The following AGRN variants were observed in gnomAD, a reference collection of about 807,000 sequenced individuals.
AGRN encodes agrin proteoglycan.
A neutral mutation model predicts 211.0 loss-of-function variants in AGRN; 106 were observed. That is an observed-to-expected ratio of 0.50 (90% confidence interval 0.43 to 0.59). The LOEUF is 0.59. Ranked by LOEUF, AGRN falls within the 20% of genes least tolerant of loss-of-function variation. The probability of loss-of-function intolerance (pLI) is 0.00; values close to 1 mark genes in which losing one functional copy is unlikely to be tolerated. For synonymous variants in AGRN, 1,525 were observed against 1,332.5 expected (o/e 1.14, Z -3.15); for missense variants, 3,040 against 2,982.6 (o/e 1.02, Z -0.45).
chr1:1,051,344 C>CT lies in AGRN; in HGVS notation c.5346dup (p.Gly1783TrpfsTer88). The stretch of plus-strand genomic sequence containing the variant: ...CTGGCCCGTGCTGCTGCCGTGTCCT[C>CT]TGGCTTCGACGGTGCCATCCAGCTG... On this transcript the variant is annotated frameshift_variant, in exon 31 of 36. Transcript: ENST00000379370. LOFTEE classifies it high-confidence loss of function. The CT allele has an allele frequency of 1.3e-6, 2 of 1,565,704 alleles. No individual in the cohort carries two copies. The highest frequency in any genetic ancestry group is 1.7e-6 in the Non-Finnish European group (2 of 1,156,266).
chr1:1,053,703 T>G, intron 33 of AGRN, 50 bp from the exon 34 acceptor site: 2 of 966,012 alleles, frequency 2.1e-6, no homozygotes, highest in Non-Finnish European at 3.0e-6. Context: ...TCCCCCACCC[T>G]GTCCTGTTGC....
rs188787026 is a variant in AGRN, at chr1:1,021,213, C to G, written c.201+840C>G. Among the ~76,000 whole-genome samples, 1,019 of 152,358 alleles carry G rather than the reference C, an allele frequency of 6.7e-3. 15 individuals are homozygous for G. The highest frequency in any genetic ancestry group is 0.03 in the South Asian group (143 of 4,832). On this transcript the variant is annotated intron_variant, in intron 1 of 35. Coordinates refer to ENST00000379370, the MANE Select transcript of AGRN (RefSeq NM_198576.4). The stretch of plus-strand genomic sequence containing the variant: ...TGGGCTCCCCCGCCGGCCCAGTCTC[C>G]TCCACAGCGGCCAGGGCACTTTGCC...
chr1:1,026,169 C>T (rs996559849), intron 2 of AGRN, among the ~76,000 whole-genome samples: 3 of 152,160 alleles, frequency 2.0e-5, no homozygotes, highest in Non-Finnish European at 2.9e-5. Context: ...ACAGCCCTGG[C>T]TCCATTGTTC....
intron 2 of AGRN, among the ~76,000 whole-genome samples, chr1:1,030,889 A>G (rs13303042): frequency 6.7e-4 from 24 of 35,974 alleles, no homozygotes; most frequent in African/African-American, 1.4e-3. Context: ...TGAGATCAGC[A>G]TGTGTGTGTG....
rs766955342 is a variant in AGRN at position 1,050,505 on chromosome 1, C to T, written c.5055C>T (p.Asp1685=). The T allele has an allele frequency of 1.2e-5, 19 of 1,612,786 alleles. No individual in the cohort carries two copies. Among genetic ancestry groups the T allele is most frequent in the Admixed American group, 8.3e-5 (5 of 59,990 alleles). Residue 1685 remains aspartate, a synonymous_variant, in exon 29 of 36, where the codon GAC becomes GAT. Coordinates refer to ENST00000379370, the MANE Select transcript of AGRN (RefSeq NM_198576.4). The part of the protein sequence containing the change: ...GLLLYNGQKT[D]GKGDFVSLAL... Reference sequence around the variant, plus strand: ...TGCTCTACAACGGGCAGAAGACGGACGGCAAGGGGGACTTCGTGTCGCTGG... The same window carrying T: ...TGCTCTACAACGGGCAGAAGACGGATGGCAAGGGGGACTTCGTGTCGCTGG...
At position 1,055,620 on chromosome 1, in the gene AGRN, G is replaced by A; in HGVS notation, c.*639G>A. 1 of 170,704 alleles carries A rather than the reference G, an allele frequency of 5.9e-6. No individual in the cohort carries two copies. The highest frequency in any genetic ancestry group is 1.3e-5 in the Non-Finnish European group (1 of 78,726). The allele number at this position is 170,704 out of a possible 1,614,324, so 10.6% of individuals were successfully genotyped here. On this transcript the variant is annotated 3_prime_UTR_variant, in exon 36 of 36. Transcript: ENST00000379370. ...ACCCTGGACGTGACCGTATCCCTCT[G>A]CCACACCCCAGGCCCTGCGAGGGGC...
chr1:1,027,021 G>T (rs116521456), intron 2 of AGRN, among the ~76,000 whole-genome samples: 1 of 152,234 alleles, frequency 6.6e-6, no homozygotes, highest in African/African-American at 2.4e-5. Flanking sequence ...AAGCCCCCCC[G>T]AAGGGGCCTC....
chr1:1,041,462 T>A lies in AGRN; in HGVS notation c.953-16T>A, dbSNP rs1401595925. The A allele has an allele frequency of 6.3e-7, 1 of 1,580,624 alleles. No homozygotes were observed. Among genetic ancestry groups the A allele is most frequent in the Admixed American group, 1.8e-5 (1 of 57,094 alleles). On this transcript the variant is annotated splice_polypyrimidine_tract_variant and intron_variant, in intron 5 of 35. Coordinates refer to ENST00000379370, the MANE Select transcript of AGRN (RefSeq NM_198576.4). ...CGCGCGGCGACAGCGTCCTGACTCCTGCCCTCGACCCCCAGACCCCTGTCA... is the reference window on the plus strand; with the variant it reads ...CGCGCGGCGACAGCGTCCTGACTCCAGCCCTCGACCCCCAGACCCCTGTCA...
intron 1 of AGRN, among the ~76,000 whole-genome samples, 167 bp from the exon 2 acceptor site, chr1:1,022,034 T>C (rs945474216): frequency 1.6e-4 from 24 of 152,242 alleles, no homozygotes; most frequent in Non-Finnish European, 2.6e-4. Context: ...TGGTGGCCAG[T>C]GTGGGCTTCC....
Position 1,043,810 on chromosome 1 carries a change from C to G in AGRN, c.1799-13C>G. On this transcript the variant is annotated splice_polypyrimidine_tract_variant and intron_variant, in intron 9 of 35. Transcript: ENST00000379370. ...TGGGCCTGCCGACCCCTGCCTGGCT[C>G]TGTCTCCTGCAGAGACCTGTGGAGA... 1 of 1,610,126 alleles carries G rather than the reference C, an allele frequency of 6.2e-7. No homozygotes were observed. The highest frequency in any genetic ancestry group is 1.1e-5 in the South Asian group (1 of 91,088).
chr1:1,048,283 G>T lies in AGRN; in HGVS notation c.4023G>T (p.Gly1341=), dbSNP rs2100669384. The T allele has an allele frequency of 6.6e-7, 1 of 1,524,922 alleles. No individual in the cohort carries two copies. Among genetic ancestry groups the T allele is most frequent in the African/African-American group, 1.4e-5 (1 of 73,288 alleles). The allele number at this position is 1,524,922 out of a possible 1,614,324, so 94.5% of individuals were successfully genotyped here. ...GTGACTCACAGCCCTGCTTCCACGG[G>T]GGGACCTGCCAGGACTGGGCATTGG... ...KPCDSQPCFH[G]GTCQDWALGG... is the part of the protein sequence containing the mutation. Residue 1341 remains glycine (G), a synonymous_variant, in exon 23 of 36, where the codon GGG becomes GGT. Coordinates refer to ENST00000379370, the MANE Select transcript of AGRN (RefSeq NM_198576.4). This position sits in a 1 kb window ranked among gnomAD's most constrained non-coding sequence, Gnocchi z 5.9.
At position 1,020,252 on chromosome 1, in the gene AGRN, C is replaced by A. The variant is rs903293571; in HGVS notation, c.80C>A (p.Ala27Asp). The A allele has an allele frequency of 2.1e-6, 3 of 1,457,046 alleles. No individual in the cohort carries two copies. The highest frequency in any genetic ancestry group is 2.7e-6 in the Non-Finnish European group (3 of 1,104,526). The allele number at this position is 1,457,046 out of a possible 1,614,324, so 90.3% of individuals were successfully genotyped here. A position where few individuals can be genotyped will look rare whatever the true frequency, so the allele number is the denominator to read the frequency against. Residue 27 changes from alanine to aspartate, a missense_variant, in exon 1 of 36, where the codon GCC becomes GAC. Around this residue, in one of 3 missense-constraint regions of AGRN, gnomAD observed 1,498 missense variants for 1,457.8 expected, o/e 1.03. Coordinates refer to ENST00000379370, the MANE Select transcript of AGRN (RefSeq NM_198576.4). ...GTGGCCGCGTGCGTCCTGCCCGGAG[C>A]CGGCGGGACATGCCCGGAGCGCGCG... The part of the protein sequence containing the change: ...LVVAACVLPG[A>D]GGTCPERALE...
chr1:1,045,423 C>T lies in AGRN; in HGVS notation c.2436C>T (p.Cys812=). ...GGTCDPATGQ[C]SCRPGVGGLR... The stretch of plus-strand genomic sequence containing the variant: ...CCTGTGACCCAGCCACAGGCCAGTG[C>T]TCCTGCCGCCCAGGTGTGGGGGGCC... Residue 812 remains cysteine (C), a synonymous_variant, in exon 14 of 36, where the codon TGC becomes TGT. Coordinates refer to ENST00000379370, the MANE Select transcript of AGRN (RefSeq NM_198576.4). 1 of 1,612,238 alleles carries T rather than the reference C, an allele frequency of 6.2e-7. No individual in the cohort carries two copies. Among genetic ancestry groups the T allele is most frequent in the African/African-American group, 1.3e-5 (1 of 75,066 alleles).
chr1:1,043,752 C>A lies in AGRN; in HGVS notation c.1798+20C>A, dbSNP rs1474885808. On this transcript the variant is annotated intron_variant, in intron 9 of 35. Coordinates refer to ENST00000379370, the MANE Select transcript of AGRN (RefSeq NM_198576.4). ...CCTGTGGTGAGTGAGGCCCTGGGGC[C>A]GGGCGGGCCAGGGTCCTGTGCCTCC... The A allele has an allele frequency of 3.1e-6, 5 of 1,602,248 alleles. No individual in the cohort carries two copies. In the East Asian group the frequency reaches 8.9e-5, roughly 29 times the overall value.
At chr1:1,028,090 TCA>T (rs1644558299) in intron 2 of AGRN, among the ~76,000 whole-genome samples, 2 of 149,454 alleles carry the variant, frequency 1.3e-5, no homozygotes, top group Middle Eastern at 6.8e-3. Flanking sequence ...ATTCACACAC[TCA>T]CGGTTGGCAC....
intron 1 of AGRN, 27 bp from the exon 2 acceptor site, chr1:1,022,174 T>A (rs1163057506): frequency 6.2e-7 from 1 of 1,612,824 alleles, no homozygotes. Flanking sequence ...AGAGGACTAA[T>A]GACACCTACC....
chr1:1,050,352 G>T (rs751870478), intron 28 of AGRN, 23 bp downstream of exon 28: 2 of 1,612,762 alleles, frequency 1.2e-6, no homozygotes, highest in Non-Finnish European at 1.7e-6. Context: ...GGAGCAGGGG[G>T]AAGGGCCGGC....
At position 1,043,633 on chromosome 1, in the gene AGRN, T is replaced by A; in HGVS notation, c.1699T>A (p.Cys567Ser). ...SECVALAQPVCGSDGHTYPSE... is the reference protein window; with the variant it reads ...SECVALAQPVSGSDGHTYPSE... ...ATGCGTGGCTTTGGCCCAGCCCGTG[T>A]GTGGCTCCGACGGGCACACGTACCC... The change falls in exon 9 of 36, where the codon TGT becomes AGT. Residue 567 changes from cysteine (C) to serine (S), a missense_variant. Cys to Ser is a moderately radical substitution (Grantham distance 112). This residue lies in a region of AGRN where 1,498 missense variants were observed against 1,457.8 expected (regional missense o/e 1.03). Transcript: ENST00000379370. 6.2e-7 allele frequency: 1 copy of A among 1,603,258 alleles called. No homozygotes were observed. Among genetic ancestry groups the A allele is most frequent in the Non-Finnish European group, 8.5e-7 (1 of 1,179,736 alleles).
chr1:1,041,285 C>G lies in AGRN; in HGVS notation c.840C>G (p.Pro280=), dbSNP rs956784907. The G allele has an allele frequency of 2.7e-5, 41 of 1,514,186 alleles. No homozygotes were observed. The African/African-American group carries it at 5.1e-4, about 19-fold the overall frequency. The allele number at this position is 1,514,186 out of a possible 1,614,324, so 93.8% of individuals were successfully genotyped here. The change falls in exon 5 of 36, where the codon CCC becomes CCG. Residue 280 remains proline (P), a synonymous_variant. Coordinates refer to ENST00000379370, the MANE Select transcript of AGRN (RefSeq NM_198576.4). ...CLCPATCRGA[P]EGTVCGSDGA... ...GCCCCGCGACCTGCCGTGGCGCCCC[C>G]GAGGGGACCGTCTGCGGCAGCGACG...
Sources: allele counts gnomAD v4.1 joint callset (sites outside exome capture counted in the v4.1 genomes callset), GRCh38; gene constraint gnomAD v4.1.1; regional missense constraint gnomAD v4.1.1; non-coding constraint Gnocchi (gnomAD v3.1); transcripts MANE v1.5; gene names NCBI Gene and HGNC (gene_info 2026-07-23, HGNC 2026-07-21).